The following AK5 variants were observed in gnomAD, a reference collection of about 807,000 sequenced individuals.
AK5 encodes the protein adenylate kinase isoenzyme 5.
A neutral mutation model predicts 69.5 loss-of-function variants in AK5; 27 were observed. The observed-to-expected ratio is 0.39, with a 90% CI of 0.29 to 0.54. AK5 has a LOEUF of 0.54. Ranked by LOEUF, AK5 falls within the 20% of genes least tolerant of loss-of-function variation. The pLI, the probability that AK5 is intolerant of heterozygous loss-of-function variation, is 0.71. For synonymous variants in AK5, 260 were observed against 244.4 expected (o/e 1.06, Z -0.60); for missense variants, 531 against 700.4 (o/e 0.76, Z 2.73).
rs1380190272 is a variant in AK5, at chr1:77,559,267, A to G, written c.*597A>G. The G allele has an allele frequency of 6.6e-6, 1 of 152,180 alleles. No homozygotes were observed. The highest frequency in any genetic ancestry group is 2.4e-5 in the African/African-American group (1 of 41,432). The allele number at this position is 152,180 out of a possible 1,614,324, so 9.4% of individuals were successfully genotyped here. A position where few individuals can be genotyped will look rare whatever the true frequency, so the allele number is the denominator to read the frequency against. On this transcript the variant is annotated 3_prime_UTR_variant, in exon 14 of 14. Transcript: ENST00000354567. ...ATTTGACAGAAATTTTAAAATATGA[A>G]GATGTATAGCTTTCCCAAGATGATG...
chr1:77,362,939 T>A (rs1646890060), intron 6 of AK5, among the ~76,000 whole-genome samples: 1 of 152,204 alleles, frequency 6.6e-6, no homozygotes. Context: ...GATAAGTGTT[T>A]ATGAAGAAGA....
chr1:77,331,915 TGGAG>T (rs1159984462), intron 5 of AK5, among the ~76,000 whole-genome samples: 4 of 152,178 alleles, frequency 2.6e-5, no homozygotes, highest in African/African-American at 9.6e-5. Context: ...TTTGTCAGTA[TGGAG>T]AAGTTGAGTT....
At chr1:77,283,816 T>A (rs975995137) in intron 1 of AK5, among the ~76,000 whole-genome samples, 4 of 152,220 alleles carry the variant, frequency 2.6e-5, no homozygotes, top group Non-Finnish European at 5.9e-5. Flanking sequence ...TCACAAAGAT[T>A]ACTACTGAGA....
At chr1:77,527,032 A>C (rs1658332842) in intron 12 of AK5, among the ~76,000 whole-genome samples, 1 of 152,142 alleles carries the variant, frequency 6.6e-6, no homozygotes, top group South Asian at 2.1e-4. Flanking sequence ...CCCAAGGTGG[A>C]ATCATTAAAA....
intron 8 of AK5, among the ~76,000 whole-genome samples, chr1:77,426,135 A>G (rs1048404329): frequency 1.3e-5 from 2 of 152,224 alleles, no homozygotes; most frequent in Non-Finnish European, 2.9e-5. Flanking sequence ...AAGTATATCA[A>G]TAATCACTTT....
intron 6 of AK5, among the ~76,000 whole-genome samples, chr1:77,377,753 A>G (rs1239808797): frequency 6.6e-6 from 1 of 152,204 alleles, no homozygotes; most frequent in African/African-American, 2.4e-5. Context: ...AGCGGGTGAT[A>G]TAGTTCCATA....
chr1:77,361,638 A>G (rs542158956), intron 6 of AK5, among the ~76,000 whole-genome samples: 1 of 152,316 alleles, frequency 6.6e-6, no homozygotes, highest in African/African-American at 2.4e-5. Flanking sequence ...TAAAAGAAAG[A>G]GTTTAATTAG....
chr1:77,501,465 G>A (rs557828700), intron 10 of AK5, among the ~76,000 whole-genome samples: 4 of 152,268 alleles, frequency 2.6e-5, no homozygotes, highest in South Asian at 4.1e-4. Flanking sequence ...CCTACTATGC[G>A]CCTAGGCTAC....
intron 8 of AK5, 134 bp from the exon 9 acceptor site, chr1:77,483,183 A>G (rs76742401): frequency 0.015 from 9,774 of 673,836 alleles, 236 homozygotes; most frequent in East Asian, 0.079. Context: ...TCTGTAAAAT[A>G]TTGTCCCTCA....
chr1:77,290,149 G>A (rs1645600457), intron 2 of AK5, among the ~76,000 whole-genome samples: 2 of 152,252 alleles, frequency 1.3e-5, no homozygotes, highest in South Asian at 4.1e-4. Flanking sequence ...TACCTATGGT[G>A]GTAAGAATGT....
At chr1:77,291,079 G>A (rs935998955) in intron 2 of AK5, among the ~76,000 whole-genome samples, 1 of 152,192 alleles carries the variant, frequency 6.6e-6, no homozygotes, top group Non-Finnish European at 1.5e-5. Context: ...GAAAGAGATT[G>A]TACCAGGGAA....
At chr1:77,380,163 A>G (rs1647532424) in intron 6 of AK5, among the ~76,000 whole-genome samples, 1 of 152,210 alleles carries the variant, frequency 6.6e-6, no homozygotes, top group African/African-American at 2.4e-5. Flanking sequence ...GTGGGATGCC[A>G]GAAACAACTG....
intron 8 of AK5, among the ~76,000 whole-genome samples, chr1:77,474,375 C>T (rs1424302589): frequency 1.3e-5 from 2 of 152,036 alleles, no homozygotes; most frequent in Non-Finnish European, 2.9e-5. Flanking sequence ...GCTCTATGTC[C>T]CACTGCCACT....
chr1:77,532,972 G>A (rs1275789759), intron 12 of AK5, among the ~76,000 whole-genome samples: 2 of 152,166 alleles, frequency 1.3e-5, no homozygotes, highest in Admixed American at 6.5e-5. Flanking sequence ...GATACATAGC[G>A]AAGCATTTTG....
At chr1:77,294,068 C>A in intron 3 of AK5, 108 bp downstream of exon 3, 3 of 954,958 alleles carry the variant, frequency 3.1e-6, no homozygotes, top group South Asian at 1.8e-5. Flanking sequence ...TAATGACAAG[C>A]AATAGAAACA....
At chr1:77,336,026 T>A (rs1392691313) in intron 5 of AK5, among the ~76,000 whole-genome samples, 1 of 151,884 alleles carries the variant, frequency 6.6e-6, no homozygotes, top group East Asian at 1.9e-4. Context: ...ATTTGTGTAT[T>A]CATTGTATGT....
chr1:77,444,385 G>GTA (rs60746056), intron 8 of AK5, among the ~76,000 whole-genome samples: 1,950 of 24,248 alleles, frequency 0.08, 369 homozygotes, highest in East Asian at 0.26. Flanking sequence ...ACTATATATA[G>GTA]TATATATAGT....
chr1:77,355,713 A>G (rs908187750), intron 6 of AK5, among the ~76,000 whole-genome samples: 2 of 152,084 alleles, frequency 1.3e-5, no homozygotes, highest in Non-Finnish European at 2.9e-5. Context: ...TGTCTTTATA[A>G]TTCCACTGTC....
intron 6 of AK5, among the ~76,000 whole-genome samples, chr1:77,342,028 A>C (rs1173788921): frequency 6.6e-6 from 1 of 152,090 alleles, no homozygotes; most frequent in Non-Finnish European, 1.5e-5. Flanking sequence ...CCTCCCAAGT[A>C]GCTGGGATTA....
Sources: allele counts gnomAD v4.1 joint callset (sites outside exome capture counted in the v4.1 genomes callset), GRCh38; gene constraint gnomAD v4.1.1; transcripts MANE v1.5; gene names NCBI Gene and HGNC (gene_info 2026-07-23, HGNC 2026-07-21).